Variants in NKAIN3 observed in about 807,000 individuals in gnomAD.
The protein encoded by NKAIN3 is sodium/potassium transporting ATPase interacting 3.
Under a neutral mutation model 30.2 loss-of-function variants are expected in NKAIN3, and 25 were observed. That is an observed-to-expected ratio of 0.83 (90% confidence interval 0.60 to 1.16). The LOEUF is 1.16. NKAIN3 is among the 50% of genes most tolerant of loss of function. NKAIN3 has a pLI of 0.00. For missense variants in NKAIN3, 225 were observed against 254.1 expected (o/e 0.89, Z 0.78); for synonymous variants, 91 against 89.6 (o/e 1.02, Z -0.09).
chr8:62,543,826 CT>C (rs1808919933), intron 1 of NKAIN3, among the ~76,000 whole-genome samples: 1 of 152,072 alleles, frequency 6.6e-6, no homozygotes, highest in East Asian at 1.9e-4. Context: ...AACTGTTATG[CT>C]TCTTCTCCCA....
chr8:62,770,750 C>A (rs1816982997), intron 4 of NKAIN3, among the ~76,000 whole-genome samples: 1 of 150,158 alleles, frequency 6.7e-6, no homozygotes, highest in South Asian at 2.1e-4. Context: ...TCTAACAGCC[C>A]AGGATAAAAA....
intron 1 of NKAIN3, among the ~76,000 whole-genome samples, chr8:62,301,610 C>G (rs942579105): frequency 7.9e-5 from 12 of 152,132 alleles, no homozygotes; most frequent in Admixed American, 6.6e-4. Flanking sequence ...GCCTTCTGAA[C>G]TTAAAATATG....
intron 3 of NKAIN3, among the ~76,000 whole-genome samples, chr8:62,607,830 A>C (rs989180365): frequency 6.6e-6 from 1 of 152,154 alleles, no homozygotes; most frequent in Non-Finnish European, 1.5e-5. Flanking sequence ...AACACCATGA[A>C]GTATAACCTA....
intron 4 of NKAIN3, among the ~76,000 whole-genome samples, chr8:62,828,319 C>A (rs531799762): frequency 1.3e-3 from 200 of 151,008 alleles, no homozygotes; most frequent in African/African-American, 4.7e-3. Context: ...CTGTCTTGAG[C>A]CTAGTTGTAA....
chr8:62,364,580 A>G (rs537356489), intron 1 of NKAIN3, among the ~76,000 whole-genome samples: 246 of 152,052 alleles, frequency 1.6e-3, no homozygotes, highest in African/African-American at 5.7e-3. Context: ...GGGTGGCTCA[A>G]GCCTGTAATC....
chr8:62,558,893 C>T lies in NKAIN3; in HGVS notation c.55-20646C>T, dbSNP rs1490613966. Among the ~76,000 whole-genome samples the T allele has an allele frequency of 2.0e-5, 3 of 152,142 alleles. No individual in the cohort carries two copies. In the East Asian group the frequency reaches 5.8e-4, roughly 29 times the overall value. On this transcript the variant is annotated intron_variant, in intron 1 of 6. Transcript: ENST00000623646. ...TTGGCATGTTGTTTTTGCTTTCATA[C>T]AGTTCCAGGTGTTTTTCTTCCTATA...
chr8:62,945,065 G>C (rs1258389046), intron 5 of NKAIN3, among the ~76,000 whole-genome samples: 1 of 152,136 alleles, frequency 6.6e-6, no homozygotes, highest in Admixed American at 6.5e-5. Context: ...TCCAGGTTTG[G>C]GGGCTATAGC....
intron 1 of NKAIN3, among the ~76,000 whole-genome samples, chr8:62,355,780 T>C (rs1049368099): frequency 6.6e-6 from 1 of 152,226 alleles, no homozygotes; most frequent in Admixed American, 6.5e-5. Flanking sequence ...AGAGCCATTT[T>C]GGGGCCATCT....
intron 3 of NKAIN3, among the ~76,000 whole-genome samples, chr8:62,653,023 A>G (rs1812670357): frequency 1.3e-5 from 2 of 152,174 alleles, no homozygotes. Flanking sequence ...TATTGTCATT[A>G]TGAATTTGTG....
intron 1 of NKAIN3, among the ~76,000 whole-genome samples, chr8:62,459,383 C>A (rs1327022651): frequency 6.6e-6 from 1 of 152,170 alleles, no homozygotes; most frequent in Admixed American, 6.5e-5. Context: ...TTATTGTTTA[C>A]TAGGCCAAGT....
At position 62,579,583 on chromosome 8, in the gene NKAIN3, G is replaced by T; in HGVS notation, c.99G>T (p.Gln33His). Reference sequence around the variant, plus strand: ...AGATCTTTGACTTCCTTGGTTTCCAGTGGGCGCCTATTCTTGGAAATTTTC... The same window carrying T: ...AGATCTTTGACTTCCTTGGTTTCCATTGGGCGCCTATTCTTGGAAATTTTC... ...ERQIFDFLGF[Q>H]WAPILGNFLH... The change falls in exon 2 of 7, where the codon CAG (glutamine) becomes CAT (histidine). Residue 33 changes from glutamine to histidine, a missense_variant. Physicochemically the swap from Gln to His is conservative, Grantham distance 24. Coordinates refer to ENST00000623646, the MANE Select transcript of NKAIN3 (RefSeq NM_001304533.3). 1 of 1,611,182 alleles carries T rather than the reference G, an allele frequency of 6.2e-7. No individual in the cohort carries two copies. Among genetic ancestry groups the T allele is most frequent in the Non-Finnish European group, 8.5e-7 (1 of 1,178,220 alleles).
At chr8:62,562,986 T>TAAATGTC (rs1447485277) in intron 1 of NKAIN3, among the ~76,000 whole-genome samples, 1 of 152,052 alleles carries the variant, frequency 6.6e-6, no homozygotes, top group African/African-American at 2.4e-5. Context: ...GTGGGAGTCT[T>TAAATGTC]AAATGTCATG....
At chr8:62,468,552 G>A (rs1806230378) in intron 1 of NKAIN3, among the ~76,000 whole-genome samples, 1 of 152,110 alleles carries the variant, frequency 6.6e-6, no homozygotes, top group Non-Finnish European at 1.5e-5. Context: ...GGCAATGCCT[G>A]GACAAGATTA....
chr8:62,883,728 A>C (rs980857218), intron 4 of NKAIN3, among the ~76,000 whole-genome samples: 1 of 151,670 alleles, frequency 6.6e-6, no homozygotes, highest in Non-Finnish European at 1.5e-5. Flanking sequence ...TTTTGTTTCC[A>C]AGTTAATTGA....
intron 5 of NKAIN3, among the ~76,000 whole-genome samples, chr8:62,994,376 G>A (rs934559586): frequency 4.6e-5 from 7 of 152,136 alleles, no homozygotes; most frequent in South Asian, 2.1e-4. Context: ...CACCATGTTC[G>A]TGAAAAGTGT....
intron 1 of NKAIN3, among the ~76,000 whole-genome samples, chr8:62,367,795 A>G (rs1816784294): frequency 6.6e-6 from 1 of 152,114 alleles, no homozygotes; most frequent in African/African-American, 2.4e-5. Flanking sequence ...GAAAGAAGTT[A>G]AATTGTCCTT....
chr8:62,310,745 G>A (rs1239669667), intron 1 of NKAIN3, among the ~76,000 whole-genome samples: 2 of 150,234 alleles, frequency 1.3e-5, no homozygotes, highest in Non-Finnish European at 2.9e-5. Flanking sequence ...TGCCCAGCCC[G>A]AGTGTGTACT....
At chr8:62,727,265 A>T (rs1815287841) in intron 3 of NKAIN3, among the ~76,000 whole-genome samples, 1 of 152,130 alleles carries the variant, frequency 6.6e-6, no homozygotes, top group East Asian at 1.9e-4. Flanking sequence ...GCAAAACTAC[A>T]ATCTTTCCCA....
intron 1 of NKAIN3, among the ~76,000 whole-genome samples, chr8:62,349,753 T>G (rs1816124087): frequency 6.6e-6 from 1 of 152,080 alleles, no homozygotes; most frequent in Admixed American, 6.6e-5. Flanking sequence ...CCTCTCAGGC[T>G]TGTGCCAACC....
Sources: allele counts gnomAD v4.1 joint callset (sites outside exome capture counted in the v4.1 genomes callset), GRCh38; gene constraint gnomAD v4.1.1; transcripts MANE v1.5; gene names NCBI Gene and HGNC (gene_info 2026-07-23, HGNC 2026-07-21).